The following NCKAP5 variants were observed in gnomAD, a reference collection of about 807,000 sequenced individuals.
NCKAP5 encodes the protein nck-associated protein 5.
A neutral mutation model predicts 167.0 loss-of-function variants in NCKAP5; 92 were observed. The ratio of observed to expected loss-of-function variants is 0.55; its 90% CI spans 0.47 to 0.66. NCKAP5 has a LOEUF of 0.66. Ranked by LOEUF, NCKAP5 falls within the 30% of genes least tolerant of loss-of-function variation. NCKAP5 has a pLI of 0.00. For missense variants in NCKAP5, 2,378 were observed against 2,315.0 expected (o/e 1.03, Z -0.56); for synonymous variants, 891 against 877.4 (o/e 1.02, Z -0.27).
Position 133,373,778 on chromosome 2 carries a change from T to C in NCKAP5, c.70-70668A>G, listed in dbSNP as rs1311016371. On this transcript the variant is annotated intron_variant, in intron 3 of 19. Coordinates refer to ENST00000409261, the MANE Select transcript of NCKAP5 (RefSeq NM_207363.3). ...GCACAGAAACAGACCCATATAAATA[T>C]AGTTAACTTGTCTTTGACAAAGAAG... Among the ~76,000 whole-genome samples the C allele has an allele frequency of 3.3e-5, 5 of 152,280 alleles. No homozygotes were observed. In the East Asian group the frequency reaches 5.8e-4, roughly 18 times the overall value.
At chr2:133,375,301 G>A (rs996147380) in intron 3 of NCKAP5, among the ~76,000 whole-genome samples, 1 of 152,172 alleles carries the variant, frequency 6.6e-6, no homozygotes, top group African/African-American at 2.4e-5. Flanking sequence ...TGTTAGTAAT[G>A]TCTTGAGGAA....
chr2:133,585,356 C>T, the NCKAP5 span, among the ~76,000 whole-genome samples: 3 of 152,334 alleles, frequency 2.0e-5, no homozygotes, highest in African/African-American at 7.2e-5. Flanking sequence ...TAGACACTAG[C>T]TGGATTGTCA....
At chr2:133,238,404 C>A (rs76387734) in intron 4 of NCKAP5, among the ~76,000 whole-genome samples, 1 of 152,100 alleles carries the variant, frequency 6.6e-6, no homozygotes, top group Non-Finnish European at 1.5e-5. Context: ...GCCACAGGAC[C>A]GCAGAGCCTA....
intron 3 of NCKAP5, among the ~76,000 whole-genome samples, chr2:133,409,262 T>C (rs1275755409): frequency 6.6e-6 from 1 of 152,232 alleles, no homozygotes; most frequent in Non-Finnish European, 1.5e-5. Flanking sequence ...TGGACCTTAC[T>C]ACCTGCTGTC....
the NCKAP5 span, among the ~76,000 whole-genome samples, chr2:133,623,946 A>G: frequency 6.6e-6 from 1 of 152,208 alleles, no homozygotes; most frequent in African/African-American, 2.4e-5. Context: ...TATATAATGG[A>G]ATACTACGCA....
chr2:133,102,744 A>AC (rs2081557121), intron 6 of NCKAP5, among the ~76,000 whole-genome samples: 2 of 135,120 alleles, frequency 1.5e-5, no homozygotes, highest in Non-Finnish European at 1.6e-5. Context: ...CAAGCATGTA[A>AC]ACACACACAC....
At chr2:133,374,070 G>A (rs1685978992) in intron 3 of NCKAP5, among the ~76,000 whole-genome samples, 1 of 152,190 alleles carries the variant, frequency 6.6e-6, no homozygotes. Flanking sequence ...GATGTTTACA[G>A]CAGCTTTATT....
Position 132,822,327 on chromosome 2 carries a change from A to C in NCKAP5, c.808-25598T>G, listed in dbSNP as rs909696492. 2.6e-5 allele frequency among the ~76,000 whole-genome samples: 4 copies of C among 152,224 alleles called. 1 individual carries two copies. The highest frequency in any genetic ancestry group is 5.9e-5 in the Non-Finnish European group (4 of 68,038). On this transcript the variant is annotated intron_variant, in intron 11 of 19. Coordinates refer to ENST00000409261, the MANE Select transcript of NCKAP5 (RefSeq NM_207363.3). ...ACTTCACTCCCCTGCCACCTCTACC[A>C]GGGCAGGTACTGGTTTCCATGGCTG...
At chr2:132,889,363 G>C (rs529386321) in intron 8 of NCKAP5, among the ~76,000 whole-genome samples, 1 of 152,188 alleles carries the variant, frequency 6.6e-6, no homozygotes, top group Non-Finnish European at 1.5e-5. Context: ...AAACGAGGTG[G>C]AACATCAATT....
At chr2:132,815,137 A>T (rs1686163977) in intron 11 of NCKAP5, among the ~76,000 whole-genome samples, 1 of 152,222 alleles carries the variant, frequency 6.6e-6, no homozygotes. Context: ...TTCATAAAGT[A>T]CTTTGATGGA....
At chr2:133,116,678 T>C (rs1162220598) in intron 6 of NCKAP5, among the ~76,000 whole-genome samples, 1 of 152,124 alleles carries the variant, frequency 6.6e-6, no homozygotes, top group Non-Finnish European at 1.5e-5. Context: ...CACTAAATTT[T>C]TGAGAAGCTT....
At chr2:133,652,897 C>T in the NCKAP5 span, among the ~76,000 whole-genome samples, 4 of 152,316 alleles carry the variant, frequency 2.6e-5, no homozygotes, top group East Asian at 1.9e-4. Context: ...CCCGGTAGAT[C>T]GATTGACAAG....
intron 7 of NCKAP5, among the ~76,000 whole-genome samples, chr2:132,967,441 A>G (rs1489750850): frequency 6.6e-6 from 1 of 152,214 alleles, no homozygotes; most frequent in African/African-American, 2.4e-5. Flanking sequence ...TTAGAGAGGC[A>G]TAGGGTCGGT....
At chr2:132,923,339 G>A (rs188574846) in intron 8 of NCKAP5, among the ~76,000 whole-genome samples, 3 of 152,290 alleles carry the variant, frequency 2.0e-5, no homozygotes, top group African/African-American at 4.8e-5. Flanking sequence ...AATCGATGAA[G>A]GAAAAAGTGT....
Position 132,849,070 on chromosome 2 carries a change from TA to T in NCKAP5, c.807+11421del, listed in dbSNP as rs1261538469. On this transcript the variant is annotated intron_variant, in intron 11 of 19. Transcript: ENST00000409261. ...TATGATGCAGATGATCATCGTGGAT[TA>T]AATTTTAATTTGGGATTTTGTAATT... 2.0e-5 allele frequency among the ~76,000 whole-genome samples: 3 copies of T among 152,292 alleles called. No homozygotes were observed. In the East Asian group the frequency reaches 5.8e-4, roughly 29 times the overall value.
At chr2:133,448,987 C>T (rs1691383621) in intron 3 of NCKAP5, among the ~76,000 whole-genome samples, 2 of 152,204 alleles carry the variant, frequency 1.3e-5, no homozygotes, top group Non-Finnish European at 2.9e-5. Context: ...GCACCATGTA[C>T]ACATGAATAA....
the NCKAP5 span, among the ~76,000 whole-genome samples, chr2:133,669,630 A>T: frequency 6.6e-6 from 1 of 152,238 alleles, no homozygotes; most frequent in Non-Finnish European, 1.5e-5. Flanking sequence ...CTGTTCAATG[A>T]CTATAATGTT....
At chr2:132,719,192 G>C (rs1207436980) in intron 19 of NCKAP5, among the ~76,000 whole-genome samples, 1 of 152,210 alleles carries the variant, frequency 6.6e-6, no homozygotes, top group Non-Finnish European at 1.5e-5. Context: ...ATGAAAAAAA[G>C]TGAAGCTGGA....
At chr2:133,219,841 T>C (rs2086586328) in intron 4 of NCKAP5, among the ~76,000 whole-genome samples, 1 of 152,198 alleles carries the variant, frequency 6.6e-6, no homozygotes, top group Non-Finnish European at 1.5e-5. Context: ...ATACTCAGTA[T>C]TTCTAGATGT....
Sources: allele counts gnomAD v4.1 joint callset (sites outside exome capture counted in the v4.1 genomes callset), GRCh38; gene constraint gnomAD v4.1.1; transcripts MANE v1.5; gene names NCBI Gene and HGNC (gene_info 2026-07-23, HGNC 2026-07-21).